SMG7: variants seen among roughly 807,000 people sequenced by gnomAD.
SMG7 encodes nonsense-mediated mRNA decay factor SMG7.
SMG7 carries 34 observed loss-of-function variants against 148.2 expected under a neutral mutation model. The ratio of observed to expected loss-of-function variants is 0.23; its 90% CI spans 0.17 to 0.31. The LOEUF (loss-of-function observed/expected upper bound fraction) is 0.31, where lower values mean the gene tolerates loss of function less well. Ranked by LOEUF, SMG7 falls within the 10% of genes least tolerant of loss-of-function variation. The probability of loss-of-function intolerance (pLI) is 1.00; values close to 1 mark genes in which losing one functional copy is unlikely to be tolerated. For synonymous variants in SMG7, 492 were observed against 515.1 expected (o/e 0.96, Z 0.61); for missense variants, 1,114 against 1,408.4 (o/e 0.79, Z 3.35).
At chr1:183,474,111 T>C (rs1288968726) in intron 1 of SMG7, among the ~76,000 whole-genome samples, 1 of 152,224 alleles carries the variant, frequency 6.6e-6, no homozygotes, top group Admixed American at 6.5e-5. Flanking sequence ...ATCCCTTTGT[T>C]GTTTAATATT....
At chr1:183,502,989 G>A (rs541077849) in intron 1 of SMG7, among the ~76,000 whole-genome samples, 6 of 152,324 alleles carry the variant, frequency 3.9e-5, no homozygotes, top group Admixed American at 2.6e-4. Flanking sequence ...TTGCCTCTGC[G>A]AGAGTGATAC....
chr1:183,507,327 A>G (rs1399763665), intron 1 of SMG7, among the ~76,000 whole-genome samples: 3 of 152,344 alleles, frequency 2.0e-5, no homozygotes, highest in Non-Finnish European at 4.4e-5. Context: ...AAATTATCAT[A>G]AAATGCTTAA....
chr1:183,490,481 C>G (rs1479993320), intron 1 of SMG7, among the ~76,000 whole-genome samples: 1 of 152,008 alleles, frequency 6.6e-6, no homozygotes, highest in Non-Finnish European at 1.5e-5. Flanking sequence ...TTATAGGAGA[C>G]TGATATTTTA....
rs140374253 is a variant in SMG7, at chr1:183,548,146, C to T, written c.2892+894C>T. ...AATAAAACCTTAACAGCTTTCATGACATTGCTGCCATCCCTGGCACTTGAA... is the reference window on the plus strand; with the variant it reads ...AATAAAACCTTAACAGCTTTCATGATATTGCTGCCATCCCTGGCACTTGAA... On this transcript the variant is annotated intron_variant, in intron 18 of 22. Transcript: ENST00000688051. Among the ~76,000 whole-genome samples, 15 of 152,298 alleles carry T rather than the reference C, an allele frequency of 9.8e-5. No homozygotes were observed. The East Asian group carries it at 2.9e-3, about 29-fold the overall frequency.
At position 183,545,169 on chromosome 1, in the gene SMG7, C is replaced by T. The variant is rs974462442; in HGVS notation, c.2227C>T (p.Pro743Ser). Reference protein sequence around the residue: ...PQQSQPPSQQPLTSLPAQPTA... With the variant: ...PQQSQPPSQQSLTSLPAQPTA... Reference sequence around the variant, plus strand: ...ACAATCACAGCCACCTTCCCAGCAACCCCTTACATCTTTACCAGCTCAGCC... The same window carrying T: ...ACAATCACAGCCACCTTCCCAGCAATCCCTTACATCTTTACCAGCTCAGCC... The change falls in exon 16 of 23, where the codon CCC (proline) becomes TCC (serine). Residue 743 changes from proline to serine, a missense_variant. Coordinates refer to ENST00000688051, the MANE Select transcript of SMG7 (RefSeq NM_001375584.1). 5.0e-6 allele frequency: 8 copies of T among 1,614,036 alleles called. No individual in the cohort carries two copies. Among genetic ancestry groups the T allele is most frequent in the East Asian group, 2.2e-5 (1 of 44,886 alleles).
At position 183,477,720 on chromosome 1, in the gene SMG7, A is replaced by T. The variant is rs973700587; in HGVS notation, c.29+5071A>T. On this transcript the variant is annotated intron_variant, in intron 1 of 22. Transcript: ENST00000688051. ...TATATATGCATATATACGTGTGTGCATGTGTATATATGCATATATACATGT... is the reference window on the plus strand; with the variant it reads ...TATATATGCATATATACGTGTGTGCTTGTGTATATATGCATATATACATGT... Among the ~76,000 whole-genome samples the T allele has an allele frequency of 2.1e-5, 3 of 146,228 alleles. No individual in the cohort carries two copies. The East Asian group carries it at 5.9e-4, about 29-fold the overall frequency.
chr1:183,472,678 G>A, intron 1 of SMG7, 29 bp downstream of exon 1: 1 of 1,459,470 alleles, frequency 6.9e-7, no homozygotes, highest in South Asian at 1.3e-5. Flanking sequence ...CTGGTACGTA[G>A]GGGGAGCGGG....
chr1:183,478,986 T>C (rs1204876503), intron 1 of SMG7, among the ~76,000 whole-genome samples: 2 of 152,166 alleles, frequency 1.3e-5, no homozygotes, highest in East Asian at 3.8e-4. Flanking sequence ...GTCTGGGAAA[T>C]TGTAACTAAG....
At chr1:183,515,671 T>C (rs1347531805) in intron 2 of SMG7, among the ~76,000 whole-genome samples, 2 of 151,224 alleles carry the variant, frequency 1.3e-5, no homozygotes, top group Non-Finnish European at 2.9e-5. Context: ...AACAGAAGCA[T>C]TGTAAACCAG....
intron 1 of SMG7, among the ~76,000 whole-genome samples, chr1:183,497,014 C>T (rs1658642796): frequency 6.6e-6 from 1 of 152,070 alleles, no homozygotes; most frequent in Non-Finnish European, 1.5e-5. Context: ...AATGTCATCC[C>T]GTCTTATGGG....
At chr1:183,511,140 A>C (rs537040608) in intron 1 of SMG7, among the ~76,000 whole-genome samples, 4 of 147,498 alleles carry the variant, frequency 2.7e-5, no homozygotes, top group East Asian at 2.0e-4. Flanking sequence ...CTCTCTCTCA[A>C]AAAAAAAAAA....
rs760645160 is a variant in SMG7 at position 183,545,042 on chromosome 1, T to G, written c.2100T>G (p.Ala700=). 5 of 1,613,936 alleles carry G rather than the reference T, an allele frequency of 3.1e-6. No individual in the cohort carries two copies. The highest frequency in any genetic ancestry group is 3.4e-6 in the Non-Finnish European group (4 of 1,179,984). The change falls in exon 16 of 23, where the codon GCT becomes GCG. Residue 700 remains alanine (A), a synonymous_variant. Transcript: ENST00000688051. ...SVPGTFLQPT[A]HSPAGNQVQA... The stretch of plus-strand genomic sequence containing the variant: ...CAGGAACCTTTCTTCAGCCTACAGC[T>G]CACTCTCCAGCAGGAAACCAGGTGC...
chr1:183,511,599 G>A (rs1407868007), intron 1 of SMG7, among the ~76,000 whole-genome samples: 1 of 152,182 alleles, frequency 6.6e-6, no homozygotes, highest in Non-Finnish European at 1.5e-5. Flanking sequence ...AGAGACTGTC[G>A]AATGTTGTAG....
chr1:183,526,807 C>A, intron 5 of SMG7, 40 bp downstream of exon 5: 1 of 1,546,216 alleles, frequency 6.5e-7, no homozygotes, highest in Non-Finnish European at 8.8e-7. Context: ...TATGTTCCTC[C>A]TTTTCTTTGG....
chr1:183,528,853 C>G (rs541368255), intron 6 of SMG7, 39 bp from the exon 7 acceptor site: 3 of 1,554,780 alleles, frequency 1.9e-6, no homozygotes, highest in Admixed American at 3.6e-5. Flanking sequence ...GACTTTGTCA[C>G]TCTTGGGGTT....
At chr1:183,497,325 C>T (rs548609127) in intron 1 of SMG7, among the ~76,000 whole-genome samples, 52 of 152,284 alleles carry the variant, frequency 3.4e-4, no homozygotes, top group African/African-American at 1.2e-3. Flanking sequence ...TCATCCTCAG[C>T]TTCATAGTGT....
intron 13 of SMG7, 147 bp downstream of exon 13, chr1:183,541,250 G>T (rs982145133): frequency 4.3e-6 from 3 of 694,042 alleles, no homozygotes; most frequent in East Asian, 5.4e-5. Flanking sequence ...CTCTTAAATC[G>T]ACATGTTGGT....
intron 12 of SMG7, among the ~76,000 whole-genome samples, chr1:183,540,504 T>C (rs1270882175): frequency 6.6e-6 from 1 of 152,128 alleles, no homozygotes; most frequent in Non-Finnish European, 1.5e-5. Flanking sequence ...CAATGAGTTA[T>C]TCTATATGCT....
In SMG7 at chr1:183,515,978, G is replaced by A; in HGVS notation, c.166G>A (p.Val56Ile). 6.2e-7 allele frequency: 1 copy of A among 1,603,512 alleles called. No homozygotes were observed. Among genetic ancestry groups the A allele is most frequent in the Non-Finnish European group, 8.5e-7 (1 of 1,171,008 alleles). ...TTTGGAATACGCTTTAGACAAGAAA[G>A]TAGAACAGGATCTGTAAGTATTACC... Reference protein sequence around the residue: ...TDLEYALDKKVEQDLWNHAFK... With the variant: ...TDLEYALDKKIEQDLWNHAFK... The change falls in exon 3 of 23, where the codon GTA becomes ATA. Residue 56 changes from valine (V) to isoleucine (I), a missense_variant. Val to Ile is a conservative substitution (Grantham distance 29, BLOSUM62 3). Transcript: ENST00000688051.
Sources: gnomAD v4.1 joint callset for allele counts (sites outside exome capture counted in the v4.1 genomes callset) on GRCh38, gnomAD v4.1.1 for gene constraint, MANE v1.5 for transcripts, NCBI Gene and HGNC (gene_info 2026-07-23, HGNC 2026-07-21) for gene names.